The following NBAS variants were observed in gnomAD, a reference collection of about 807,000 sequenced individuals.
NBAS encodes NBAS subunit of NRZ tethering complex.
In NBAS, 219 loss-of-function variants were observed where a neutral mutation model predicts 302.5. The observed-to-expected ratio is 0.72, with a 90% CI of 0.65 to 0.81. The LOEUF is 0.81. NBAS is among the 30% of genes least tolerant of loss of function. The pLI is 0.00. For synonymous variants in NBAS, 1,118 were observed against 1,021.6 expected (o/e 1.09, Z -1.80); for missense variants, 2,932 against 2,841.6 (o/e 1.03, Z -0.72).
Position 15,218,981 on chromosome 2 carries a change from A to T in NBAS, c.6237-13T>A. ...AACCAGCTCCTCACTGCAGGGCAAA[A>T]TCCAGAGGTATCTGTAAACTCCTAA... On this transcript the variant is annotated splice_polypyrimidine_tract_variant and intron_variant, in intron 47 of 51. Coordinates refer to ENST00000281513, the MANE Select transcript of NBAS (RefSeq NM_015909.4). 6.2e-7 allele frequency: 1 copy of T among 1,614,156 alleles called. No homozygotes were observed.
At chr2:14,938,881 A>G in the NBAS span, among the ~76,000 whole-genome samples, 4 of 152,188 alleles carry the variant, frequency 2.6e-5, no homozygotes, top group Non-Finnish European at 4.4e-5. Context: ...TCAGTAGAAG[A>G]CTCTTGGCTC....
intron 26 of NBAS, chr2:15,397,906 A>G (rs542705081): frequency 1.1e-5 from 2 of 177,758 alleles, no homozygotes; most frequent in South Asian, 1.3e-4. Context: ...ATTATTTTTA[A>G]AACTATCTAT....
At chr2:15,074,012 A>T in the NBAS span, among the ~76,000 whole-genome samples, 1 of 152,182 alleles carries the variant, frequency 6.6e-6, no homozygotes, top group East Asian at 1.9e-4. Flanking sequence ...GAAAATTGGA[A>T]AAAATCTTAT....
chr2:15,218,297 T>C (rs141117758), intron 48 of NBAS, among the ~76,000 whole-genome samples: 137 of 152,008 alleles, frequency 9.0e-4, no homozygotes, highest in Admixed American at 2.6e-3. Context: ...AAAATAAAAA[T>C]AAATTTCGTT....
At chr2:15,272,329 C>A (rs1313682024) in intron 44 of NBAS, among the ~76,000 whole-genome samples, 1 of 152,162 alleles carries the variant, frequency 6.6e-6, no homozygotes, top group African/African-American at 2.4e-5. Context: ...GAATAGTACA[C>A]ATTTATTTTA....
At chr2:15,108,523 A>G in the NBAS span, among the ~76,000 whole-genome samples, 2 of 152,244 alleles carry the variant, frequency 1.3e-5, no homozygotes, top group South Asian at 2.1e-4. Flanking sequence ...AGTTACTTAT[A>G]TTCTTCAACT....
chr2:15,445,038 C>T (rs1386642031), intron 21 of NBAS, among the ~76,000 whole-genome samples: 6 of 151,126 alleles, frequency 4.0e-5, no homozygotes, highest in Non-Finnish European at 8.9e-5. Flanking sequence ...GAAATAGGAA[C>T]ACTTTTACAC....
chr2:15,539,322 T>G lies in NBAS; in HGVS notation c.414A>C (p.Val138=). 2 of 1,614,250 alleles carry G rather than the reference T, an allele frequency of 1.2e-6. No individual in the cohort carries two copies. Among genetic ancestry groups the G allele is most frequent in the Non-Finnish European group, 1.7e-6 (2 of 1,180,044 alleles). The part of the protein sequence containing the change: ...PKDPKPQWRR[V]AWSYDCTLLA... ...GTAGGGTACAATCGTAACTCCATGCTACCCGTCTCCACTGGGGTTTCGGGT... is the reference window on the plus strand; with the variant it reads ...GTAGGGTACAATCGTAACTCCATGCGACCCGTCTCCACTGGGGTTTCGGGT... Residue 138 remains valine (V), a synonymous_variant, in exon 7 of 52, where the codon GTA becomes GTC. Coordinates refer to ENST00000281513, the MANE Select transcript of NBAS (RefSeq NM_015909.4).
intron 12 of NBAS, among the ~76,000 whole-genome samples, chr2:15,487,536 G>T (rs1489221723): frequency 6.6e-6 from 1 of 152,134 alleles, no homozygotes; most frequent in Admixed American, 6.5e-5. Context: ...GTACAGAGTG[G>T]ACCCATGCAG....
chr2:15,024,591 A>G, the NBAS span, among the ~76,000 whole-genome samples: 1 of 152,210 alleles, frequency 6.6e-6, no homozygotes, highest in East Asian at 1.9e-4. Context: ...TCAACAGTGT[A>G]TAAGTGTTCC....
chr2:15,104,207 T>A, the NBAS span, among the ~76,000 whole-genome samples: 1 of 152,180 alleles, frequency 6.6e-6, no homozygotes, highest in Non-Finnish European at 1.5e-5. Flanking sequence ...ATGTAAGATA[T>A]GTCTTTACTT....
At chr2:14,815,208 CA>C in the NBAS span, among the ~76,000 whole-genome samples, 1 of 152,090 alleles carries the variant, frequency 6.6e-6, no homozygotes, top group African/African-American at 2.4e-5. Context: ...TTTTTCAGAT[CA>C]AAACAGGTTA....
At chr2:15,318,800 G>A (rs1398326383) in intron 38 of NBAS, among the ~76,000 whole-genome samples, 5 of 152,016 alleles carry the variant, frequency 3.3e-5, no homozygotes, top group African/African-American at 1.2e-4. Flanking sequence ...ACTAATAATG[G>A]GAGACGTTAA....
At chr2:14,972,085 T>TGTG in the NBAS span, among the ~76,000 whole-genome samples, 1 of 151,906 alleles carries the variant, frequency 6.6e-6, no homozygotes, top group Non-Finnish European at 1.5e-5. Flanking sequence ...ACAAACAAAA[T>TGTG]GTGGTACACA....
chr2:15,449,204 C>T (rs2148534231), intron 21 of NBAS, among the ~76,000 whole-genome samples: 1 of 152,222 alleles, frequency 6.6e-6, no homozygotes, highest in South Asian at 2.1e-4. Context: ...AAAATAGTTA[C>T]ATTCACACTA....
intron 48 of NBAS, among the ~76,000 whole-genome samples, chr2:15,204,468 G>T (rs1276464345): frequency 6.6e-6 from 1 of 152,092 alleles, no homozygotes; most frequent in Non-Finnish European, 1.5e-5. Context: ...TAAGAAAAGG[G>T]AGAAGGCTAG....
intron 9 of NBAS, among the ~76,000 whole-genome samples, chr2:15,515,745 G>A (rs11687253): frequency 0.52 from 78,769 of 151,936 alleles, 23,404 homozygotes; most frequent in Non-Finnish European, 0.67. Flanking sequence ...CAGAAGTGAG[G>A]AGAAATAAAG....
the NBAS span, among the ~76,000 whole-genome samples, chr2:15,025,969 T>G: frequency 6.6e-6 from 1 of 152,300 alleles, no homozygotes; most frequent in African/African-American, 2.4e-5. Context: ...TTCTCTTGCC[T>G]GATTGCTCTG....
chr2:15,405,808 GT>G (rs904006387), intron 25 of NBAS, among the ~76,000 whole-genome samples: 2 of 151,978 alleles, frequency 1.3e-5, no homozygotes, highest in African/African-American at 4.8e-5. Context: ...GGAAATGAAG[GT>G]AGATAGTATA....
Sources: allele counts gnomAD v4.1 joint callset (sites outside exome capture counted in the v4.1 genomes callset), GRCh38; gene constraint gnomAD v4.1.1; transcripts MANE v1.5; gene names NCBI Gene and HGNC (gene_info 2026-07-23, HGNC 2026-07-21).